Variants in PIK3C2G observed in about 807,000 individuals in gnomAD.
PIK3C2G encodes phosphatidylinositol 3-kinase C2 domain-containing subunit gamma.
PIK3C2G carries 168 observed loss-of-function variants against 181.1 expected under a neutral mutation model. The ratio of observed to expected loss-of-function variants is 0.93; its 90% CI spans 0.82 to 1.05. The LOEUF (loss-of-function observed/expected upper bound fraction) is 1.05. Among genes scored for constraint, PIK3C2G ranks in the 50% least tolerant of loss-of-function variants. PIK3C2G has a pLI of 0.00. For synonymous variants in PIK3C2G, 573 were observed against 592.2 expected, an observed-to-expected ratio of 0.97 and a Z score of 0.47; for missense variants, 1,869 against 1,732.8, an observed-to-expected ratio of 1.08 and a Z score of -1.40.
chr12:18,451,672 T>G (rs1331501586), intron 18 of PIK3C2G, among the ~76,000 whole-genome samples: 1 of 152,212 alleles, frequency 6.6e-6, no homozygotes, highest in Non-Finnish European at 1.5e-5. Context: ...AGGAAATACT[T>G]CCAGCTTTTG....
At chr12:18,301,822 G>A (rs1200849741) in intron 5 of PIK3C2G, among the ~76,000 whole-genome samples, 1 of 152,018 alleles carries the variant, frequency 6.6e-6, no homozygotes, top group Non-Finnish European at 1.5e-5. Flanking sequence ...TGCTATTAGT[G>A]TAATAGTCAC....
chr12:18,399,368 A>C (rs1944109458), intron 15 of PIK3C2G, among the ~76,000 whole-genome samples: 1 of 151,682 alleles, frequency 6.6e-6, no homozygotes, highest in Non-Finnish European at 1.5e-5. Flanking sequence ...TTTGCCAACC[A>C]AAATGACATA....
At chr12:18,676,796 G>A in the PIK3C2G span, among the ~76,000 whole-genome samples, 4 of 152,230 alleles carry the variant, frequency 2.6e-5, no homozygotes, top group South Asian at 8.3e-4. Flanking sequence ...TAGAAGGTCA[G>A]AAGGGAAAGA....
At chr12:18,640,921 A>G (rs562544114) in intron 32 of PIK3C2G, among the ~76,000 whole-genome samples, 1 of 152,292 alleles carries the variant, frequency 6.6e-6, no homozygotes, top group South Asian at 2.1e-4. Context: ...TATAACAGTA[A>G]ATCTCATAAA....
chr12:18,468,823 C>T (rs1267036222), intron 18 of PIK3C2G, among the ~76,000 whole-genome samples: 2 of 151,970 alleles, frequency 1.3e-5, no homozygotes, highest in Non-Finnish European at 2.9e-5. Flanking sequence ...TAATCCTATC[C>T]TTATTGCTGT....
At chr12:18,674,647 C>G in the PIK3C2G span, among the ~76,000 whole-genome samples, 1 of 152,242 alleles carries the variant, frequency 6.6e-6, no homozygotes, top group Admixed American at 6.6e-5. Flanking sequence ...GAAACATGGT[C>G]ACAAATTTTT....
At chr12:18,705,901 A>C in the PIK3C2G span, among the ~76,000 whole-genome samples, 4 of 150,716 alleles carry the variant, frequency 2.7e-5, no homozygotes, top group Non-Finnish European at 5.9e-5. Flanking sequence ...AAATTATACC[A>C]TATCCATATA....
chr12:18,284,372 A>C (rs749576510), intron 2 of PIK3C2G, among the ~76,000 whole-genome samples: 35 of 152,164 alleles, frequency 2.3e-4, no homozygotes, highest in Non-Finnish European at 4.4e-4. Context: ...TCAGAATCAT[A>C]AGGCAAATAA....
chr12:18,567,921 A>T (rs576874312), intron 29 of PIK3C2G, among the ~76,000 whole-genome samples: 1 of 152,224 alleles, frequency 6.6e-6, no homozygotes, highest in Non-Finnish European at 1.5e-5. Flanking sequence ...GAATCTTTTC[A>T]ATTTCTAGAG....
the PIK3C2G span, among the ~76,000 whole-genome samples, chr12:18,654,832 T>C: frequency 6.6e-6 from 1 of 152,160 alleles, no homozygotes; most frequent in African/African-American, 2.4e-5. Context: ...TCATCTCTCT[T>C]AATGTGGGAC....
chr12:18,491,028 CTATA>C (rs1940520059), intron 19 of PIK3C2G, among the ~76,000 whole-genome samples: 1 of 152,028 alleles, frequency 6.6e-6, no homozygotes, highest in African/African-American at 2.4e-5. Context: ...GTAAAATGCA[CTATA>C]CTATTGAGTG....
At chr12:18,368,626 C>T (rs1318366893) in intron 12 of PIK3C2G, among the ~76,000 whole-genome samples, 1 of 152,170 alleles carries the variant, frequency 6.6e-6, no homozygotes, top group Non-Finnish European at 1.5e-5. Flanking sequence ...TAGAATTCGT[C>T]TTTAATTCTT....
intron 29 of PIK3C2G, among the ~76,000 whole-genome samples, chr12:18,573,575 T>C (rs1946082452): frequency 6.6e-6 from 1 of 152,200 alleles, no homozygotes; most frequent in South Asian, 2.1e-4. Flanking sequence ...ACCCTGGTAA[T>C]TTTTCATTAT....
At chr12:18,420,068 A>T (rs1384347657) in intron 16 of PIK3C2G, among the ~76,000 whole-genome samples, 2 of 152,172 alleles carry the variant, frequency 1.3e-5, no homozygotes, top group East Asian at 3.8e-4. Context: ...TACTATAAGC[A>T]GTTCCTTCAC....
chr12:18,481,663 T>C (rs1021083251), intron 18 of PIK3C2G, among the ~76,000 whole-genome samples: 21 of 152,152 alleles, frequency 1.4e-4, no homozygotes, highest in African/African-American at 4.6e-4. Context: ...TTAAATACAA[T>C]TCATTGCTTA....
chr12:18,447,506 G>T (rs1309536276), intron 18 of PIK3C2G, among the ~76,000 whole-genome samples: 2 of 152,156 alleles, frequency 1.3e-5, no homozygotes, highest in African/African-American at 4.8e-5. Context: ...TTAACACACA[G>T]ATACACGCAC....
chr12:18,692,171 G>A, the PIK3C2G span, among the ~76,000 whole-genome samples: 3 of 152,134 alleles, frequency 2.0e-5, no homozygotes, highest in Admixed American at 6.6e-5. Flanking sequence ...ACTAAGTAAT[G>A]ACATTGCTGG....
chr12:18,434,243 C>T (rs1164607913), intron 18 of PIK3C2G, among the ~76,000 whole-genome samples: 1 of 152,114 alleles, frequency 6.6e-6, no homozygotes, highest in Non-Finnish European at 1.5e-5. Flanking sequence ...AGGGCATGAA[C>T]CCATTCATGA....
At chr12:18,305,741 C>G (rs904404609) in intron 5 of PIK3C2G, among the ~76,000 whole-genome samples, 1 of 151,964 alleles carries the variant, frequency 6.6e-6, no homozygotes, top group Non-Finnish European at 1.5e-5. Context: ...TAGGATGTTT[C>G]TCCTCTGGAG....
Sources: gnomAD v4.1 joint callset for allele counts (sites outside exome capture counted in the v4.1 genomes callset) on GRCh38, gnomAD v4.1.1 for gene constraint, MANE v1.5 for transcripts, NCBI Gene and HGNC (gene_info 2026-07-23, HGNC 2026-07-21) for gene names.